PREP: variants seen among roughly 807,000 people sequenced by gnomAD.
The protein encoded by PREP is prolyl endopeptidase.
PREP carries 29 observed loss-of-function variants against 87.6 expected under a neutral mutation model. The ratio of observed to expected loss-of-function variants is 0.33; its 90% CI spans 0.25 to 0.45. The LOEUF (loss-of-function observed/expected upper bound fraction) is 0.45. Ranked by LOEUF, PREP falls within the 20% of genes least tolerant of loss-of-function variation. PREP has a pLI of 1.00. For synonymous variants in PREP, 337 were observed against 328.6 expected (o/e 1.03, Z -0.28); for missense variants, 695 against 886.5 (o/e 0.78, Z 2.74).
chr6:105,358,633 C>T (rs948378621), intron 6 of PREP, among the ~76,000 whole-genome samples: 1 of 152,272 alleles, frequency 6.6e-6, no homozygotes, highest in East Asian at 1.9e-4. Flanking sequence ...TCTCTGGTGG[C>T]TGGCAGAAAG....
At chr6:105,323,937 A>G (rs1439577512) in intron 9 of PREP, among the ~76,000 whole-genome samples, 169 bp from the exon 10 acceptor site, 1 of 152,250 alleles carries the variant, frequency 6.6e-6, no homozygotes, top group Non-Finnish European at 1.5e-5. Flanking sequence ...AGTGCTTAGA[A>G]CAGAGTCTGG....
Position 105,276,408 on chromosome 6 carries a change from C to T in PREP, c.*1736G>A, listed in dbSNP as rs752204524. On this transcript the variant is annotated 3_prime_UTR_variant, in exon 15 of 15. Coordinates refer to ENST00000652536, the MANE Select transcript of PREP (RefSeq NM_002726.5). ...GAAAGTATGGTTAGATTCTGTGCAA[C>T]CTTGAAAATGCTCTGGACTCAGTGG... Among the ~76,000 whole-genome samples, 1 of 152,224 alleles carries T rather than the reference C, an allele frequency of 6.6e-6. No homozygotes were observed. The highest frequency in any genetic ancestry group is 2.1e-4 in the South Asian group (1 of 4,836).
intron 10 of PREP, among the ~76,000 whole-genome samples, chr6:105,304,371 C>G (rs1770610660): frequency 6.6e-6 from 1 of 152,182 alleles, no homozygotes; most frequent in South Asian, 2.1e-4. Context: ...ACGAATACCC[C>G]CACTTTTCAG....
At position 105,288,744 on chromosome 6, in the gene PREP, C is replaced by A. The variant is rs779582532; in HGVS notation, c.1454+14G>T. On this transcript the variant is annotated intron_variant, in intron 11 of 14. Transcript: ENST00000652536. Reference sequence around the variant, plus strand: ...AGATAAAATACTGGCACTCTGAGTGCGTTCCGAGCTCACCTGTAGTTGGGT... The same window carrying A: ...AGATAAAATACTGGCACTCTGAGTGAGTTCCGAGCTCACCTGTAGTTGGGT... 1 of 1,612,696 alleles carries A rather than the reference C, an allele frequency of 6.2e-7. No individual in the cohort carries two copies. Among genetic ancestry groups the A allele is most frequent in the Non-Finnish European group, 8.5e-7 (1 of 1,179,450 alleles).
chr6:105,310,465 T>G (rs946397130), intron 10 of PREP, among the ~76,000 whole-genome samples: 1 of 152,146 alleles, frequency 6.6e-6, no homozygotes. Flanking sequence ...TCACCAATAA[T>G]CCACCTTGTC....
chr6:105,385,568 GA>G (rs1380301814), intron 2 of PREP, among the ~76,000 whole-genome samples: 3 of 152,030 alleles, frequency 2.0e-5, no homozygotes, highest in African/African-American at 4.8e-5. Flanking sequence ...AAAATGGGGG[GA>G]AAAAACCCAA....
At chr6:105,288,674 A>T (rs1400857945) in intron 11 of PREP, 84 bp downstream of exon 11, 1 of 1,528,636 alleles carries the variant, frequency 6.5e-7, no homozygotes, top group African/African-American at 1.4e-5. Flanking sequence ...TATTTTAGAA[A>T]GTTGATTTAG....
chr6:105,382,645 CAA>C (rs1772876609), intron 2 of PREP, among the ~76,000 whole-genome samples: 1 of 147,716 alleles, frequency 6.8e-6, no homozygotes, highest in Non-Finnish European at 1.5e-5. Context: ...TGGTGATTAA[CAA>C]GATGAATGAA....
intron 1 of PREP, among the ~76,000 whole-genome samples, chr6:105,398,705 G>A (rs1773348021): frequency 6.6e-6 from 1 of 152,126 alleles, no homozygotes; most frequent in Non-Finnish European, 1.5e-5. Flanking sequence ...GAAGGCGTTT[G>A]AAGGAGCAAG....
At chr6:105,338,438 G>A (rs6925752) in intron 7 of PREP, among the ~76,000 whole-genome samples, 1,690 of 152,280 alleles carry the variant, frequency 0.011, 29 homozygotes, top group African/African-American at 0.037. Context: ...CAAGACAGCC[G>A]AATAGGAACA....
intron 9 of PREP, among the ~76,000 whole-genome samples, chr6:105,328,607 CAG>C (rs2114652571): frequency 6.6e-6 from 1 of 152,306 alleles, no homozygotes; most frequent in East Asian, 1.9e-4. Context: ...TCCAGAGGAA[CAG>C]AGACTTGGAA....
chr6:105,331,957 G>A (rs929750417), intron 8 of PREP, among the ~76,000 whole-genome samples: 27 of 152,068 alleles, frequency 1.8e-4, no homozygotes, highest in African/African-American at 6.5e-4. Context: ...GCAAGTTAAC[G>A]GGACTGTGCC....
chr6:105,329,799 CAAGT>C (rs1462771543), intron 8 of PREP, among the ~76,000 whole-genome samples: 1 of 152,192 alleles, frequency 6.6e-6, no homozygotes, highest in African/African-American at 2.4e-5. Flanking sequence ...TATAAAAATG[CAAGT>C]AATAAACCAT....
At position 105,323,736 on chromosome 6, in the gene PREP, C is replaced by T; in HGVS notation, c.1246G>A (p.Glu416Lys). The change falls in exon 10 of 15, where the codon GAG becomes AAG. Residue 416 changes from glutamate to lysine, a missense_variant. Around this residue, in one of 5 missense-constraint regions of PREP, gnomAD observed 517 missense variants for 620.3 expected, o/e 0.83. Transcript: ENST00000652536. ...IIYHCDLTKE[E>K]LEPRVFREVT... is the part of the protein sequence containing the mutation. Reference sequence around the variant, plus strand: ...TCTCGGAAAACTCTTGGCTCCAGCTCCTCTTTGGTAAGATCACAGTGATAA... The same window carrying T: ...TCTCGGAAAACTCTTGGCTCCAGCTTCTCTTTGGTAAGATCACAGTGATAA... 1.9e-6 allele frequency: 3 copies of T among 1,613,740 alleles called. No individual in the cohort carries two copies. The highest frequency in any genetic ancestry group is 4.5e-5 in the East Asian group (2 of 44,890).
chr6:105,288,510 C>T (rs375400131), intron 11 of PREP, among the ~76,000 whole-genome samples: 4 of 152,152 alleles, frequency 2.6e-5, no homozygotes, highest in East Asian at 1.9e-4. Context: ...TCCGCCACCA[C>T]GTCCAGCTAA....
chr6:105,364,279 G>T (rs1274494681), intron 6 of PREP, among the ~76,000 whole-genome samples: 1 of 152,194 alleles, frequency 6.6e-6, no homozygotes, highest in African/African-American at 2.4e-5. Context: ...GTCGTCCCGG[G>T]AAGACACGCT....
At chr6:105,397,541 T>G (rs1773317882) in intron 2 of PREP, among the ~76,000 whole-genome samples, 1 of 152,250 alleles carries the variant, frequency 6.6e-6, no homozygotes, top group African/African-American at 2.4e-5. Flanking sequence ...CATTTCTATC[T>G]AGGTTTTCAT....
intron 2 of PREP, 60 bp downstream of exon 2, chr6:105,397,793 C>T: frequency 7.7e-7 from 1 of 1,292,906 alleles, no homozygotes; most frequent in Non-Finnish European, 1.1e-6. Context: ...TAGTTACTGA[C>T]ATTTAGAGTT....
At chr6:105,331,929 G>A (rs561016716) in intron 8 of PREP, among the ~76,000 whole-genome samples, 23 of 152,168 alleles carry the variant, frequency 1.5e-4, no homozygotes, top group South Asian at 4.2e-4. Flanking sequence ...ACAGAGTATC[G>A]GTGCCTGATC....
Sources: allele counts gnomAD v4.1 joint callset (sites outside exome capture counted in the v4.1 genomes callset), GRCh38; gene constraint gnomAD v4.1.1; regional missense constraint gnomAD v4.1.1; transcripts MANE v1.5; gene names NCBI Gene and HGNC (gene_info 2026-07-23, HGNC 2026-07-21).